Variants in KLF12 observed in about 807,000 individuals in gnomAD.
KLF12 encodes KLF transcription factor 12, also known as Krueppel-like factor 12.
In KLF12, 9 loss-of-function variants were observed where a neutral mutation model predicts 37.8. The ratio of observed to expected loss-of-function variants is 0.24; its 90% CI spans 0.14 to 0.42. The LOEUF is 0.42. Ranked by LOEUF, KLF12 falls within the 10% of genes least tolerant of loss-of-function variation. KLF12 has a pLI of 1.00. For synonymous variants in KLF12, 208 were observed against 202.1 expected, an observed-to-expected ratio of 1.03 and a Z score of -0.25; for missense variants, 411 against 516.0, an observed-to-expected ratio of 0.80 and a Z score of 1.97.
At chr13:74,251,387 C>T in the KLF12 span, among the ~76,000 whole-genome samples, 1 of 152,080 alleles carries the variant, frequency 6.6e-6, no homozygotes, top group Non-Finnish European at 1.5e-5. Context: ...CTCAAGTGAT[C>T]CGCCCACCTT....
At chr13:74,221,235 T>A in the KLF12 span, among the ~76,000 whole-genome samples, 4 of 152,190 alleles carry the variant, frequency 2.6e-5, no homozygotes, top group African/African-American at 9.6e-5. Context: ...CTCGATCTCC[T>A]GACCTCGTCA....
At chr13:74,221,164 G>A in the KLF12 span, among the ~76,000 whole-genome samples, 13 of 151,794 alleles carry the variant, frequency 8.6e-5, no homozygotes, top group African/African-American at 7.3e-5. Flanking sequence ...CCGCCACCAC[G>A]CCCGGCTAAT....
chr13:74,050,872 A>C (rs993246020), intron 1 of KLF12, among the ~76,000 whole-genome samples: 8 of 152,198 alleles, frequency 5.3e-5, no homozygotes, highest in African/African-American at 1.9e-4. Flanking sequence ...GCAAGAAAAC[A>C]GGCAAAAAAA....
intron 3 of KLF12, among the ~76,000 whole-genome samples, chr13:73,925,380 T>C (rs1326502281): frequency 1.3e-5 from 2 of 152,208 alleles, no homozygotes; most frequent in Non-Finnish European, 2.9e-5. Flanking sequence ...CTAAATCTAC[T>C]GTCTGCTCTA....
rs1216222205 is a variant in KLF12, at chr13:74,072,397, ATATATATAT to A, written c.-32+61333_-32+61341del. Among the ~76,000 whole-genome samples, 176 of 131,758 alleles carry A rather than the reference ATATATATAT, an allele frequency of 1.3e-3. 2 individuals carry two copies. Among genetic ancestry groups the A allele is most frequent in the Non-Finnish European group, 2.3e-3 (145 of 62,570 alleles). The allele number at this position is 131,758 out of a possible 152,430, so 86.4% of individuals were successfully genotyped here. On this transcript the variant is annotated intron_variant, in intron 1 of 7. Coordinates refer to ENST00000377669, the MANE Select transcript of KLF12 (RefSeq NM_007249.5). ...TATATATATATATATATATATATAT[ATATATATAT>A]AAAAGATTATCTACAAGAAACTAAA...
At chr13:74,048,293 T>C (rs1219905698) in intron 1 of KLF12, among the ~76,000 whole-genome samples, 1 of 152,172 alleles carries the variant, frequency 6.6e-6, no homozygotes, top group African/African-American at 2.4e-5. Context: ...GAAAATTCTA[T>C]TGTCACGGAA....
chr13:74,198,101 T>C, the KLF12 span, among the ~76,000 whole-genome samples: 8 of 151,980 alleles, frequency 5.3e-5, no homozygotes, highest in South Asian at 1.7e-3. Flanking sequence ...TGTTCAAATA[T>C]CAAAAGCAAA....
the KLF12 span, among the ~76,000 whole-genome samples, chr13:74,174,899 A>G: frequency 6.6e-6 from 1 of 152,230 alleles, no homozygotes; most frequent in Non-Finnish European, 1.5e-5. Context: ...TATTGGATAT[A>G]AATCATATGA....
At position 74,109,384 on chromosome 13, in the gene KLF12, G is replaced by C. The variant is rs190941651; in HGVS notation, c.-32+24355C>G. ...CTTTGCTGGAGTGCAGGGAGCACTG[G>C]GGGGAGTAAGTAATTGATTATTTTT... On this transcript the variant is annotated intron_variant, in intron 1 of 7. Coordinates refer to ENST00000377669, the MANE Select transcript of KLF12 (RefSeq NM_007249.5). 6.6e-4 allele frequency among the ~76,000 whole-genome samples: 100 copies of C among 151,986 alleles called. 1 individual carries two copies. The highest frequency in any genetic ancestry group is 1.7e-3 in the South Asian group (8 of 4,808).
chr13:74,218,921 C>T, the KLF12 span, among the ~76,000 whole-genome samples: 1,262 of 151,652 alleles, frequency 8.3e-3, 15 homozygotes, highest in African/African-American at 0.026. Flanking sequence ...TACATGCATA[C>T]GCTTCTTGAC....
intron 5 of KLF12, among the ~76,000 whole-genome samples, chr13:73,776,940 A>G (rs1218054264): frequency 1.3e-5 from 2 of 152,222 alleles, no homozygotes; most frequent in African/African-American, 4.8e-5. Flanking sequence ...TCTGATCTTA[A>G]AAAAAGACAA....
In KLF12 at chr13:73,686,765, G is replaced by GTCC. The variant is rs764852248; in HGVS notation, c.*8724_*8725insGGA. On this transcript the variant is annotated 3_prime_UTR_variant, in exon 8 of 8. Coordinates refer to ENST00000377669, the MANE Select transcript of KLF12 (RefSeq NM_007249.5). ...ATGCAGCCCATCTATTCAATTTGCT[G>GTCC]TTCAGAGGCTTCAAGCCTAGAATAA... 3 of 152,160 alleles carry GTCC rather than the reference G, an allele frequency of 2.0e-5. No homozygotes were observed. The highest frequency in any genetic ancestry group is 4.4e-5 in the Non-Finnish European group (3 of 68,028). The allele number at this position is 152,160 out of a possible 1,614,324, so 9.4% of individuals were successfully genotyped here.
chr13:73,902,183 T>C (rs996120533), intron 3 of KLF12, among the ~76,000 whole-genome samples: 1 of 152,188 alleles, frequency 6.6e-6, no homozygotes, highest in African/African-American at 2.4e-5. Context: ...ACATACGGTG[T>C]GTCAGAGATT....
intron 1 of KLF12, among the ~76,000 whole-genome samples, chr13:74,124,467 A>C (rs1461473218): frequency 6.6e-6 from 1 of 152,218 alleles, no homozygotes; most frequent in Admixed American, 6.5e-5. Flanking sequence ...CCCATTATTT[A>C]AAAGATTTTT....
the KLF12 span, among the ~76,000 whole-genome samples, chr13:74,228,042 A>G: frequency 1.3e-5 from 2 of 152,150 alleles, no homozygotes; most frequent in Admixed American, 1.3e-4. Context: ...AAAGAAAAGG[A>G]GACAGATTGC....
chr13:73,700,581 T>C (rs1352481189), intron 7 of KLF12, among the ~76,000 whole-genome samples: 2 of 151,384 alleles, frequency 1.3e-5, no homozygotes, highest in Non-Finnish European at 2.9e-5. Context: ...CTCACCATGC[T>C]TAAAAAAAAA....
intron 1 of KLF12, among the ~76,000 whole-genome samples, chr13:74,061,682 T>A (rs1366579967): frequency 6.6e-6 from 1 of 152,220 alleles, no homozygotes; most frequent in East Asian, 1.9e-4. Flanking sequence ...CCGAGGCTAA[T>A]CTGATCCTTT....
intron 3 of KLF12, among the ~76,000 whole-genome samples, chr13:73,871,600 T>C (rs1038457966): frequency 1.4e-4 from 22 of 152,268 alleles, no homozygotes; most frequent in Non-Finnish European, 5.9e-5. Context: ...AGTTTCCCCA[T>C]GTTCCTGACA....
chr13:74,129,192 A>G (rs1431131450), intron 1 of KLF12, among the ~76,000 whole-genome samples: 4 of 152,176 alleles, frequency 2.6e-5, no homozygotes, highest in African/African-American at 7.2e-5. Context: ...ACTTTAAATC[A>G]TCTCTAGATT....
Sources: gnomAD v4.1 joint callset for allele counts (sites outside exome capture counted in the v4.1 genomes callset) on GRCh38, gnomAD v4.1.1 for gene constraint, MANE v1.5 for transcripts, NCBI Gene and HGNC (gene_info 2026-07-23, HGNC 2026-07-21) for gene names.